Variants in KDM5B observed in about 807,000 individuals in gnomAD.
The protein encoded by KDM5B is lysine demethylase 5B, also known as lysine-specific demethylase 5B.
KDM5B carries 144 observed loss-of-function variants against 193.4 expected under a neutral mutation model. The ratio of observed to expected loss-of-function variants is 0.74; its 90% CI spans 0.65 to 0.86. The LOEUF (loss-of-function observed/expected upper bound fraction) is 0.86. Ranked by LOEUF, KDM5B falls within the 40% of genes least tolerant of loss-of-function variation. The pLI, the probability that KDM5B is intolerant of heterozygous loss-of-function variation, is 0.00. For missense variants in KDM5B, 1,833 were observed against 1,886.9 expected, an observed-to-expected ratio of 0.97 and a Z score of 0.53; for synonymous variants, 668 against 682.6, an observed-to-expected ratio of 0.98 and a Z score of 0.33.
At chr1:202,732,189 C>A in intron 23 of KDM5B, 1 of 433,976 alleles carries the variant, frequency 2.3e-6, no homozygotes, top group Non-Finnish European at 4.1e-6. Context: ...GTAAAGAAGG[C>A]CACTGGGAAA....
chr1:202,790,285 G>GA (rs1657595325), intron 1 of KDM5B, among the ~76,000 whole-genome samples: 7 of 151,046 alleles, frequency 4.6e-5, no homozygotes, highest in East Asian at 2.0e-4. Context: ...TGAATGAATG[G>GA]ATGGATGGCA....
intron 13 of KDM5B, 143 bp from the exon 14 acceptor site, chr1:202,749,282 G>A (rs766690396): frequency 2.8e-6 from 2 of 710,776 alleles, no homozygotes; most frequent in Non-Finnish European, 4.5e-6. Context: ...CCAGACTCTG[G>A]GCCAGGTAGA....
At chr1:202,752,251 G>T (rs1655817914) in intron 12 of KDM5B, among the ~76,000 whole-genome samples, 1 of 152,182 alleles carries the variant, frequency 6.6e-6, no homozygotes, top group Non-Finnish European at 1.5e-5. Flanking sequence ...ATGGTGATCT[G>T]TAAGATTATA....
In KDM5B at chr1:202,766,957, G is replaced by A. The variant is rs1278507005; in HGVS notation, c.680C>T (p.Pro227Leu). The A allele has an allele frequency of 1.9e-6, 3 of 1,583,190 alleles. No individual in the cohort carries two copies. The highest frequency in any genetic ancestry group is 2.8e-5 in the African/African-American group (2 of 72,530). Residue 227 changes from proline to leucine, a missense_variant, in exon 5 of 27, where the codon CCA becomes CTA. Transcript: ENST00000367265. ...TCTCATGCGTTTTGCTCGTCGGGCT[G>A]GGGGGCACGTTTCCGAAGGCTGCAC... ...QSVQPSETCP[P>L]ARRAKRMRAE... is the part of the protein sequence containing the mutation.
At chr1:202,751,692 C>T (rs562794738) in intron 12 of KDM5B, among the ~76,000 whole-genome samples, 2 of 152,302 alleles carry the variant, frequency 1.3e-5, no homozygotes, top group Admixed American at 6.5e-5. Context: ...TCAAACCACA[C>T]CACCCTTGTA....
Position 202,735,108 on chromosome 1 carries a change from G to A in KDM5B, c.3423+321C>T. Among the ~76,000 whole-genome samples, 2 of 152,068 alleles carry A rather than the reference G, an allele frequency of 1.3e-5. 1 individual carries two copies. ...TTCTTAACTATAAACTAATAAATTA[G>A]CATTGCATTTTCATACATCTATTAA... On this transcript the variant is annotated intron_variant, in intron 22 of 26. Transcript: ENST00000367265.
At position 202,808,001 on chromosome 1, in the gene KDM5B, G is replaced by T. The variant is rs1658377893; in HGVS notation, c.204+101C>A. On this transcript the variant is annotated intron_variant, in intron 1 of 26. Coordinates refer to ENST00000367265, the MANE Select transcript of KDM5B (RefSeq NM_006618.5). ...CCAAACTTGACGAGGCCGGCGGGGC[G>T]ACCGGCTCCCCGCCCCCCGCGCCTC... is the stretch of plus-strand genomic sequence containing the variant. 87 of 1,229,666 alleles carry T rather than the reference G, an allele frequency of 7.1e-5. 2 individuals are homozygous for T. The South Asian group carries it at 1.3e-3, about 19-fold the overall frequency. The allele number at this position is 1,229,666 out of a possible 1,614,324, so 76.2% of individuals were successfully genotyped here.
intron 1 of KDM5B, among the ~76,000 whole-genome samples, chr1:202,792,436 G>C (rs1048884959): frequency 3.3e-4 from 50 of 152,122 alleles, no homozygotes. Flanking sequence ...GGAGGCAGTG[G>C]TACATTTATA....
chr1:202,767,138 A>AGTTTAT (rs1374087385), intron 4 of KDM5B, 78 bp from the exon 5 acceptor site: 17 of 1,592,910 alleles, frequency 1.1e-5, no homozygotes, highest in Non-Finnish European at 1.5e-5. Flanking sequence ...CATATCTAGC[A>AGTTTAT]TGCCACATGA....
intron 12 of KDM5B, 75 bp downstream of exon 12, chr1:202,752,830 A>G (rs376207802): frequency 7.2e-7 from 1 of 1,396,360 alleles, no homozygotes. Flanking sequence ...TCAACATCAT[A>G]AAAAAGTGAA....
intron 22 of KDM5B, among the ~76,000 whole-genome samples, chr1:202,734,863 C>G (rs1042815450): frequency 6.6e-6 from 1 of 152,256 alleles, no homozygotes; most frequent in African/African-American, 2.4e-5. Flanking sequence ...AGCAGGTATA[C>G]ATTCCCACTC....
chr1:202,789,765 G>GAGCAAGAGA (rs1657569167), intron 1 of KDM5B, among the ~76,000 whole-genome samples: 1 of 151,628 alleles, frequency 6.6e-6, no homozygotes, highest in Admixed American at 6.6e-5. Context: ...CAGAGAGAGA[G>GAGCAAGAGA]AGCAAGAGAA....
Position 202,744,681 on chromosome 1 carries a change from G to A in KDM5B, c.2323+1177C>T, listed in dbSNP as rs12239558. On this transcript the variant is annotated intron_variant, in intron 16 of 26. Transcript: ENST00000367265. ...GGCAAGGTTGTGGAGAAAAGGGAAC[G>A]CATATACACTGTTGGTAGAAGTGTA... Among the ~76,000 whole-genome samples, 1,480 of 152,258 alleles carry A rather than the reference G, an allele frequency of 9.7e-3. 13 individuals are homozygous for A. The highest frequency in any genetic ancestry group is 0.014 in the Non-Finnish European group (924 of 68,008).
chr1:202,738,965 A>C (rs963859158), intron 20 of KDM5B, among the ~76,000 whole-genome samples: 5 of 152,194 alleles, frequency 3.3e-5, no homozygotes, highest in African/African-American at 1.2e-4. Flanking sequence ...ACTTTGGATA[A>C]TTACTTTGGA....
In KDM5B at chr1:202,728,784, ACAGT is replaced by A. The variant is rs756206499; in HGVS notation, c.*248_*251del. ...ATTGGTGGGAACCCCTGCAAAAAAAACAGTCAGCTTTTCAAACCTCAACAACCAC... is the reference window on the plus strand; with the variant it reads ...ATTGGTGGGAACCCCTGCAAAAAAAACAGCTTTTCAAACCTCAACAACCAC... On this transcript the variant is annotated 3_prime_UTR_variant, in exon 27 of 27. Coordinates refer to ENST00000367265, the MANE Select transcript of KDM5B (RefSeq NM_006618.5). 1 of 347,170 alleles carries A rather than the reference ACAGT, an allele frequency of 2.9e-6. No individual in the cohort carries two copies. The highest frequency in any genetic ancestry group is 5.4e-6 in the Non-Finnish European group (1 of 183,724). 21.5% of individuals were successfully genotyped at this position (347,170 alleles called of 1,614,324 possible). A position where few individuals can be genotyped will look rare whatever the true frequency, so the allele number is the denominator to read the frequency against.
chr1:202,773,122 A>C lies in KDM5B; in HGVS notation c.572T>G (p.Leu191Arg). 6.2e-7 allele frequency: 1 copy of C among 1,609,252 alleles called. No homozygotes were observed. The highest frequency in any genetic ancestry group is 8.5e-7 in the Non-Finnish European group (1 of 1,175,822). Residue 191 changes from leucine to arginine, a missense_variant, in exon 4 of 27, where the codon CTA becomes CGA. By Grantham distance (102) the Leu-to-Arg change is moderately radical (BLOSUM62 -2). This residue lies in a region of KDM5B where 355 missense variants were observed against 374.9 expected (regional missense o/e 0.95). Coordinates refer to ENST00000367265, the MANE Select transcript of KDM5B (RefSeq NM_006618.5). ...AAGGCTAGCCCCCAAACTTACCCTTAGGCTGTCTCCGGACAGGAATAAGTT... is the reference window on the plus strand; with the variant it reads ...AAGGCTAGCCCCCAAACTTACCCTTCGGCTGTCTCCGGACAGGAATAAGTT... The part of the protein sequence containing the change: ...PYNLFLSGDS[L>R]RCLQKPNLTT...
chr1:202,758,600 T>C (rs1312193625), intron 8 of KDM5B, 90 bp from the exon 9 acceptor site: 5 of 1,066,764 alleles, frequency 4.7e-6, no homozygotes, highest in East Asian at 5.3e-5. Context: ...AAAACAAGGC[T>C]TTAATTTGTT....
intron 4 of KDM5B, among the ~76,000 whole-genome samples, chr1:202,769,894 T>C (rs1656641958): frequency 6.6e-6 from 1 of 152,174 alleles, no homozygotes; most frequent in African/African-American, 2.4e-5. Context: ...CAATGTACTT[T>C]CTATTTGACA....
chr1:202,755,280 T>G lies in KDM5B; in HGVS notation c.1529A>C (p.Tyr510Ser). The G allele has an allele frequency of 6.2e-7, 1 of 1,613,798 alleles. No individual in the cohort carries two copies. The highest frequency in any genetic ancestry group is 8.5e-7 in the Non-Finnish European group (1 of 1,179,722). Residue 510 changes from tyrosine to serine, a missense_variant, in exon 11 of 27, where the codon TAC (tyrosine) becomes TCC (serine). Physicochemically the swap from Tyr to Ser is moderately radical, Grantham distance 144. Coordinates refer to ENST00000367265, the MANE Select transcript of KDM5B (RefSeq NM_006618.5). Reference protein sequence around the residue: ...IEDHWSYSINYLHWGEPKTWY... With the variant: ...IEDHWSYSINSLHWGEPKTWY... ...TTTTGGAACTTCTCACCAGTGCAAG[T>G]AGTTAATTGAATAGCTCCAGTGGTC...
Sources: allele counts gnomAD v4.1 joint callset (sites outside exome capture counted in the v4.1 genomes callset), GRCh38; gene constraint gnomAD v4.1.1; regional missense constraint gnomAD v4.1.1; transcripts MANE v1.5; gene names NCBI Gene and HGNC (gene_info 2026-07-23, HGNC 2026-07-21).